Variants in UTRN observed in about 807,000 individuals in gnomAD.
UTRN encodes dystrophin-related protein 1.
Under a neutral mutation model 463.9 loss-of-function variants are expected in UTRN, and 283 were observed. That is an observed-to-expected ratio of 0.61 (90% CI 0.55 to 0.67). The LOEUF (loss-of-function observed/expected upper bound fraction) is 0.67, where lower values mean the gene tolerates loss of function less well. UTRN is among the 30% of genes least tolerant of loss of function. UTRN has a pLI of 0.00. For missense variants in UTRN, 3,922 were observed against 4,084.3 expected (o/e 0.96, Z 1.08); for synonymous variants, 1,442 against 1,431.5 (o/e 1.01, Z -0.17).
At chr6:144,557,428 T>C (rs1799485962) in intron 50 of UTRN, 117 bp downstream of exon 50, 3 of 997,904 alleles carry the variant, frequency 3.0e-6, no homozygotes, top group Non-Finnish European at 2.7e-6. Flanking sequence ...TTTATTATTA[T>C]GTATTTTTAT....
At position 144,617,866 on chromosome 6, in the gene UTRN, C is replaced by G. The variant is rs12526870; in HGVS notation, c.7479+40578C>G. On this transcript the variant is annotated intron_variant, in intron 51 of 74. Coordinates refer to ENST00000367545, the MANE Select transcript of UTRN (RefSeq NM_007124.3). ...AATCTCAAATTTACTGCTACCCACT[C>G]GGTACCATGCAGAGCTTGCTTGGGA... Among the ~76,000 whole-genome samples the G allele has an allele frequency of 3.9e-3, 591 of 152,220 alleles. 3 individuals carry two copies. Among genetic ancestry groups the G allele is most frequent in the Non-Finnish European group, 4.3e-3 (292 of 68,012 alleles).
At chr6:144,724,183 C>T (rs1168262004) in intron 53 of UTRN, among the ~76,000 whole-genome samples, 4 of 148,672 alleles carry the variant, frequency 2.7e-5, no homozygotes, top group Non-Finnish European at 5.9e-5. Context: ...TTAGTATTTT[C>T]ACAGAGTTGT....
intron 53 of UTRN, among the ~76,000 whole-genome samples, chr6:144,724,044 A>G (rs1338343382): frequency 6.6e-6 from 1 of 150,800 alleles, no homozygotes; most frequent in East Asian, 1.9e-4. Context: ...GAAAAAAAAG[A>G]AACAAATTAC....
At chr6:144,344,286 G>A in intron 2 of UTRN, 1 of 1,304,098 alleles carries the variant, frequency 7.7e-7, no homozygotes, top group Non-Finnish European at 1.0e-6. Flanking sequence ...AGCTCTCCAG[G>A]CTTGCAAGCG....
At chr6:144,396,953 T>C (rs1584601886) in intron 2 of UTRN, among the ~76,000 whole-genome samples, 1 of 152,086 alleles carries the variant, frequency 6.6e-6, no homozygotes, top group Non-Finnish European at 1.5e-5. Flanking sequence ...CTGGAACAAA[T>C]ATGTTCCTCT....
At chr6:144,391,809 T>G (rs1781957706) in intron 2 of UTRN, among the ~76,000 whole-genome samples, 1 of 152,180 alleles carries the variant, frequency 6.6e-6, no homozygotes, top group South Asian at 2.1e-4. Flanking sequence ...ACCCATCTAA[T>G]TTTTGTATTT....
At chr6:144,728,668 T>C (rs1373175788) in intron 53 of UTRN, among the ~76,000 whole-genome samples, 2 of 152,014 alleles carry the variant, frequency 1.3e-5, no homozygotes, top group East Asian at 1.9e-4. Context: ...TCTTTGGTTT[T>C]ATGGATCTAG....
In UTRN at chr6:144,794,053, A is replaced by T; in HGVS notation, c.9078+62A>T. 5.7e-6 allele frequency: 9 copies of T among 1,578,124 alleles called. No homozygotes were observed. The South Asian group carries it at 1.1e-4, about 19-fold the overall frequency. ...GGCGAAGGGTTTTGAGGATGTTCTG[A>T]GACATGGAATAGGGAACTCGGGCTG... On this transcript the variant is annotated intron_variant, in intron 63 of 74. Coordinates refer to ENST00000367545, the MANE Select transcript of UTRN (RefSeq NM_007124.3).
Position 144,753,324 on chromosome 6 carries a change from T to G in UTRN, c.8355+1372T>G, listed in dbSNP as rs117155089. Among the ~76,000 whole-genome samples the G allele has an allele frequency of 1.8e-3, 267 of 152,258 alleles. 5 individuals carry two copies. In the East Asian group the frequency reaches 0.041, roughly 23 times the overall value. ...CAGAGAACTAACTATAGAATGTGTA[T>G]TTTTAAAAGGCTAGGCATGGGGGCT... On this transcript the variant is annotated intron_variant, in intron 56 of 74. Coordinates refer to ENST00000367545, the MANE Select transcript of UTRN (RefSeq NM_007124.3).
chr6:144,518,771 G>A (rs1294639265), intron 39 of UTRN, among the ~76,000 whole-genome samples: 1 of 152,124 alleles, frequency 6.6e-6, no homozygotes, highest in African/African-American at 2.4e-5. Flanking sequence ...TTTGTTAAAA[G>A]TACTAATATA....
At chr6:144,498,008 G>A (rs904593890) in intron 33 of UTRN, among the ~76,000 whole-genome samples, 2 of 152,250 alleles carry the variant, frequency 1.3e-5, no homozygotes, top group African/African-American at 4.8e-5. Context: ...GTAGCAAGAA[G>A]TGGTAGGGAC....
In UTRN at chr6:144,801,212, G is replaced by C. The variant is rs141863724; in HGVS notation, c.9246-1824G>C. Among the ~76,000 whole-genome samples, 7 of 152,214 alleles carry C rather than the reference G, an allele frequency of 4.6e-5. No homozygotes were observed. In the East Asian group the frequency reaches 1.2e-3, roughly 25 times the overall value. ...CATCTAAAATTTGTATTTCGAATGA[G>C]AGAGAAATATGTCCAGACTTGATAC... On this transcript the variant is annotated intron_variant, in intron 64 of 74. Coordinates refer to ENST00000367545, the MANE Select transcript of UTRN (RefSeq NM_007124.3).
intron 41 of UTRN, among the ~76,000 whole-genome samples, chr6:144,524,932 C>T (rs556047133): frequency 9.9e-5 from 15 of 152,228 alleles, no homozygotes; most frequent in Admixed American, 9.8e-4. Context: ...GAGGCTTTTT[C>T]TGAGTCTGTT....
chr6:144,479,118 T>G (rs1431674950), intron 25 of UTRN, among the ~76,000 whole-genome samples: 5 of 145,962 alleles, frequency 3.4e-5, no homozygotes, highest in South Asian at 2.3e-4. Flanking sequence ...CTAGGGGTTT[T>G]TTTTTTTTTT....
At chr6:144,499,934 A>G (rs1332820650) in intron 34 of UTRN, among the ~76,000 whole-genome samples, 2 of 152,340 alleles carry the variant, frequency 1.3e-5, no homozygotes, top group African/African-American at 4.8e-5. Context: ...GTTGCTGCAA[A>G]GGACATGATT....
In UTRN at chr6:144,447,285, A is replaced by G. The variant is rs1787790004; in HGVS notation, c.1689A>G (p.Gln563=). 1.2e-6 allele frequency: 2 copies of G among 1,613,794 alleles called. No individual in the cohort carries two copies. The highest frequency in any genetic ancestry group is 1.7e-5 in the Admixed American group (1 of 59,988). Residue 563 remains glutamine, a synonymous_variant, in exon 15 of 75, where the codon CAA becomes CAG. Transcript: ENST00000367545. ...TCCAGACAAGCAACTTCAAAGACCA[A>G]AAGGAACTAAGTGTCAGTGTTCGAC... The part of the protein sequence containing the change: ...NKVQTSNFKD[Q]KELSVSVRRL...
chr6:144,509,829 T>C (rs1434619201), intron 34 of UTRN, among the ~76,000 whole-genome samples: 1 of 152,196 alleles, frequency 6.6e-6, no homozygotes, highest in East Asian at 1.9e-4. Flanking sequence ...ACTATTTAGA[T>C]GTAATTACTT....
At chr6:144,642,732 G>C (rs1004946805) in intron 51 of UTRN, among the ~76,000 whole-genome samples, 2 of 152,064 alleles carry the variant, frequency 1.3e-5, no homozygotes, top group Non-Finnish European at 2.9e-5. Context: ...CCAGTAGGGC[G>C]GTTGTTTTAT....
At position 144,457,635 on chromosome 6, in the gene UTRN, G is replaced by A. The variant is rs181743630; in HGVS notation, c.2285-1135G>A. The stretch of plus-strand genomic sequence containing the variant: ...CTCATATTCTCTTACCTGAGAGATG[G>A]TGGTGAACAGTGAACTTCTGCAATT... On this transcript the variant is annotated intron_variant, in intron 19 of 74. Coordinates refer to ENST00000367545, the MANE Select transcript of UTRN (RefSeq NM_007124.3). 1.2e-3 allele frequency among the ~76,000 whole-genome samples: 185 copies of A among 152,296 alleles called. 1 individual carries two copies. The highest frequency in any genetic ancestry group is 6.8e-3 in the Middle Eastern group (2 of 294).
Sources: allele counts gnomAD v4.1 joint callset (sites outside exome capture counted in the v4.1 genomes callset), GRCh38; gene constraint gnomAD v4.1.1; transcripts MANE v1.5; gene names NCBI Gene and HGNC (gene_info 2026-07-23, HGNC 2026-07-21).